Variants in PLEC observed in about 807,000 individuals in gnomAD.
PLEC encodes plectin.
In PLEC, 216 loss-of-function variants were observed where a neutral mutation model predicts 392.8. The ratio of observed to expected loss-of-function variants is 0.55; its 90% CI spans 0.49 to 0.62. The LOEUF (loss-of-function observed/expected upper bound fraction) is 0.62, where lower values mean the gene tolerates loss of function less well. PLEC is among the 20% of genes least tolerant of loss of function. The pLI is 0.00. For synonymous variants in PLEC, 3,621 were observed against 2,980.6 expected (o/e 1.21, Z -7.00); for missense variants, 6,863 against 6,563.4 (o/e 1.05, Z -1.58).
rs782031336 is a variant in PLEC, at chr8:143,924,910, C to T, written c.5019G>A (p.Ala1673=). 8.9e-5 allele frequency: 141 copies of T among 1,586,368 alleles called. No homozygotes were observed. Among genetic ancestry groups the T allele is most frequent in the Non-Finnish European group, 1.1e-4 (126 of 1,174,120 alleles). The change falls in exon 31 of 32, where the codon GCG becomes GCA. Residue 1673 remains alanine, a synonymous_variant. Transcript: ENST00000345136. ...GCTCCTCCGCCTTGCCGCGCCGCCGCGCCTCGCGCTCCGCCTCCTCCTTCT... is the reference window on the plus strand; with the variant it reads ...GCTCCTCCGCCTTGCCGCGCCGCCGTGCCTCGCGCTCCGCCTCCTCCTTCT... The part of the protein sequence containing the change: ...EKQKEEAERE[A]RRRGKAEEQA...
In PLEC at chr8:143,919,081, G is replaced by A. The variant is rs201867859; in HGVS notation, c.10740C>T (p.His3580=). The change falls in exon 32 of 32, where the codon CAC becomes CAT. Residue 3580 remains histidine, a synonymous_variant. Coordinates refer to ENST00000345136, the MANE Select transcript of PLEC (RefSeq NM_201384.3). Reference sequence around the variant, plus strand: ...CCCACAGGGACATGGTGGAGCCGCCGTGGCTGCCGCCGCCGGGAATGTCGA... The same window carrying A: ...CCCACAGGGACATGGTGGAGCCGCCATGGCTGCCGCCGCCGGGAATGTCGA... The part of the protein sequence containing the change: ...TQIDIPGGGS[H]GGSTMSLWEV... The A allele has an allele frequency of 7.2e-5, 116 of 1,611,568 alleles. 1 individual carries two copies. The East Asian group carries it at 1.1e-3, about 15-fold the overall frequency.
intron 1 of PLEC, among the ~76,000 whole-genome samples, chr8:143,972,495 G>C (rs193199777): frequency 6.6e-6 from 1 of 152,208 alleles, no homozygotes; most frequent in Non-Finnish European, 1.5e-5. Flanking sequence ...GGTGGAGAGC[G>C]GCACCACGGG....
chr8:143,965,278 C>T (rs957901984), intron 1 of PLEC, among the ~76,000 whole-genome samples: 1 of 152,154 alleles, frequency 6.6e-6, no homozygotes, highest in Non-Finnish European at 1.5e-5. Context: ...CAAGAGCTGA[C>T]CACCAGCTGG....
Position 143,934,919 on chromosome 8 carries a change from A to G in PLEC, c.836T>C (p.Leu279Pro). ...QDGVRANELQ[L>P]RWQEYRELVL... ...CAGCTCCCGGTACTCCTGCCAGCGC[A>G]GCTGCAGCTCCTGCGGGCAGGCACG... The change falls in exon 9 of 32, where the codon CTG becomes CCG. Residue 279 changes from leucine (L) to proline (P), a missense_variant. Leu to Pro is a moderately conservative substitution (Grantham distance 98). Transcript: ENST00000345136. 2 of 1,611,320 alleles carry G rather than the reference A, an allele frequency of 1.2e-6. No individual in the cohort carries two copies. The highest frequency in any genetic ancestry group is 1.7e-6 in the Non-Finnish European group (2 of 1,179,734).
At chr8:143,966,471 TC>T (rs1298533152) in intron 1 of PLEC, among the ~76,000 whole-genome samples, 2 of 152,194 alleles carry the variant, frequency 1.3e-5, no homozygotes, top group Non-Finnish European at 2.9e-5. Context: ...CGCAGGCACA[TC>T]CTCTCCACCC....
intron 1 of PLEC, among the ~76,000 whole-genome samples, chr8:143,971,031 A>T (rs1833401772): frequency 1.3e-5 from 2 of 152,196 alleles, no homozygotes; most frequent in African/African-American, 4.8e-5. Flanking sequence ...GCTCAGGCAG[A>T]CAGGAAGTTG....
In PLEC at chr8:143,927,247, C is replaced by G; in HGVS notation, c.3840+5G>C. 6.2e-7 allele frequency: 1 copy of G among 1,612,846 alleles called. No homozygotes were observed. Among genetic ancestry groups the G allele is most frequent in the Non-Finnish European group, 8.5e-7 (1 of 1,179,598 alleles). On this transcript the variant is annotated splice_donor_5th_base_variant and intron_variant, in intron 28 of 31. Coordinates refer to ENST00000345136, the MANE Select transcript of PLEC (RefSeq NM_201384.3). ...TGGGGCCTGGTGCAGGCGGCTGGGC[C>G]TCACCTTGATGGCGTTGATGTACTG...
Position 143,921,117 on chromosome 8 carries a change from G to C in PLEC, c.8704C>G (p.Arg2902Gly). ...GELVYTDSEA[R>G]DVFEKATVSA... ...ACGGTGGCCTTCTCAAAGACGTCCCGGGCCTCGGAGTCAGTGTAGACCAGC... is the reference window on the plus strand; with the variant it reads ...ACGGTGGCCTTCTCAAAGACGTCCCCGGCCTCGGAGTCAGTGTAGACCAGC... Residue 2902 changes from arginine to glycine, a missense_variant, in exon 32 of 32, where the codon CGG becomes GGG. Transcript: ENST00000345136. The C allele has an allele frequency of 1.2e-6, 2 of 1,612,504 alleles. No homozygotes were observed. Among genetic ancestry groups the C allele is most frequent in the Non-Finnish European group, 8.5e-7 (1 of 1,180,040 alleles).
rs782314069 is a variant in PLEC at position 143,937,262 on chromosome 8, G to A, written c.265-20C>T. 38 of 1,594,130 alleles carry A rather than the reference G, an allele frequency of 2.4e-5. No individual in the cohort carries two copies. Among genetic ancestry groups the A allele is most frequent in the Non-Finnish European group, 3.2e-5 (37 of 1,163,430 alleles). On this transcript the variant is annotated intron_variant, in intron 3 of 31. Coordinates refer to ENST00000345136, the MANE Select transcript of PLEC (RefSeq NM_201384.3). ...CCGGGGCTGTGGGGAGGCACAGTCAGCACCCACAGTGCAGCTGCAGCTCCC... is the reference window on the plus strand; with the variant it reads ...CCGGGGCTGTGGGGAGGCACAGTCAACACCCACAGTGCAGCTGCAGCTCCC...
At position 143,927,456 on chromosome 8, in the gene PLEC, G is replaced by A. The variant is rs782350311; in HGVS notation, c.3710C>T (p.Pro1237Leu). ...CCGCACAGCCTGGCTGTCGGCCAGC[G>A]GCATGGCCTGGATCTGCTCCTGCCG... is the stretch of plus-strand genomic sequence containing the variant. ...RRRQEQIQAM[P>L]LADSQAVREQ... is the part of the protein sequence containing the mutation. Residue 1237 changes from proline to leucine, a missense_variant, in exon 27 of 32, where the codon CCG (proline) becomes CTG (leucine). Transcript: ENST00000345136. 26 of 1,598,028 alleles carry A rather than the reference G, an allele frequency of 1.6e-5. No homozygotes were observed. The highest frequency in any genetic ancestry group is 1.3e-4 in the Admixed American group (8 of 59,756).
chr8:143,955,410 G>A (rs1832534464), upstream of PLEC, among the ~76,000 whole-genome samples: 2 of 152,174 alleles, frequency 1.3e-5, no homozygotes. Flanking sequence ...GAATCCAGGA[G>A]GCTGAGGTTG....
chr8:143,933,601 C>T (rs1358680423), intron 12 of PLEC, among the ~76,000 whole-genome samples: 1 of 152,172 alleles, frequency 6.6e-6, no homozygotes, highest in Non-Finnish European at 1.5e-5. Flanking sequence ...CTGTGGGGTC[C>T]TGGGCCTCAT....
Position 143,922,257 on chromosome 8 carries a change from C to T in PLEC, c.7564G>A (p.Asp2522Asn), listed in dbSNP as rs1554689102. 3.1e-6 allele frequency: 5 copies of T among 1,598,604 alleles called. No homozygotes were observed. Among genetic ancestry groups the T allele is most frequent in the Admixed American group, 1.7e-5 (1 of 58,656 alleles). ...AGCTGCTGTGCCTTGGCCACCTCGT[C>T]CTGGAAGAGCTGCTCCAGCTTGGCC... Reference protein sequence around the residue: ...EKAKLEQLFQDEVAKAQQLRE... With the variant: ...EKAKLEQLFQNEVAKAQQLRE... The change falls in exon 32 of 32, where the codon GAC becomes AAC. Residue 2522 changes from aspartate to asparagine, a missense_variant. Physicochemically the swap from Asp to Asn is conservative, Grantham distance 23. Transcript: ENST00000345136.
Position 143,920,292 on chromosome 8 carries a change from C to T in PLEC, c.9529G>A (p.Asp3177Asn), listed in dbSNP as rs151050583. Residue 3177 changes from aspartate to asparagine, a missense_variant, in exon 32 of 32, where the codon GAC (aspartate) becomes AAC (asparagine). Asp to Asn is a conservative substitution (Grantham distance 23). Coordinates refer to ENST00000345136, the MANE Select transcript of PLEC (RefSeq NM_201384.3). Reference sequence around the variant, plus strand: ...CTGGGGTCACTGTAGGCCTTGGCGTCGGCCCTTGGTGCCGACAGGGCCCTG... The same window carrying T: ...CTGGGGTCACTGTAGGCCTTGGCGTTGGCCCTTGGTGCCGACAGGGCCCTG... ...TSRALSAPRA[D>N]AKAYSDPSTG... 71 of 1,591,254 alleles carry T rather than the reference C, an allele frequency of 4.5e-5. No individual in the cohort carries two copies. The African/African-American group carries it at 4.8e-4, about 11-fold the overall frequency.
rs782271365 is a variant in PLEC, at chr8:143,921,366, C to G, written c.8455G>C (p.Val2819Leu). Residue 2819 changes from valine (V) to leucine (L), a missense_variant, in exon 32 of 32, where the codon GTG (valine) becomes CTG (leucine). Val to Leu is a conservative substitution (Grantham distance 32). Transcript: ENST00000345136. ...QIATGGVIDP[V>L]HSHRVPVDVA... ...TCCACGGGCACGCGGTGGCTGTGCA[C>G]GGGGTCGATAACGCCGCCCGTGGCG... 1 of 1,613,508 alleles carries G rather than the reference C, an allele frequency of 6.2e-7. No homozygotes were observed.
chr8:143,946,917 G>C (rs1554732627), intron 1 of PLEC, among the ~76,000 whole-genome samples: 1 of 152,012 alleles, frequency 6.6e-6, no homozygotes, highest in East Asian at 1.9e-4. Context: ...TCCCCAACCA[G>C]CACAGCCCCA....
In PLEC at chr8:143,932,961, G is replaced by C; in HGVS notation, c.1569C>G (p.Arg523=). The change falls in exon 14 of 32, where the codon CGC becomes CGG. Residue 523 remains arginine, a synonymous_variant. Transcript: ENST00000345136. The part of the protein sequence containing the change: ...RRPELEDSTL[R]YLQDLLAWVE... ...CCCAGGCCAGCAGGTCCTGCAGGTA[G>C]CGCAGAGTGGAGTCCTCCAGCTCGG... The C allele has an allele frequency of 6.2e-7, 1 of 1,612,516 alleles. No individual in the cohort carries two copies. Among genetic ancestry groups the C allele is most frequent in the Non-Finnish European group, 8.5e-7 (1 of 1,179,878 alleles).
chr8:143,956,474 A>C (rs1007889155), upstream of PLEC, among the ~76,000 whole-genome samples: 40 of 152,200 alleles, frequency 2.6e-4, 1 homozygote, highest in African/African-American at 7.7e-4. Context: ...ATGCTGAGGC[A>C]GAAGGACGGC....
Position 143,919,268 on chromosome 8 carries a change from T to G in PLEC, c.10553A>C (p.His3518Pro). 1 of 1,614,016 alleles carries G rather than the reference T, an allele frequency of 6.2e-7. No homozygotes were observed. ...CAGCTGCCTGTACGTGAGGTTCTCATGCGTGTTGGGGTCAAAGAAGCCCTT... is the reference window on the plus strand; with the variant it reads ...CAGCTGCCTGTACGTGAGGTTCTCAGGCGTGTTGGGGTCAAAGAAGCCCTT... Reference protein sequence around the residue: ...DTKGFFDPNTHENLTYRQLLE... With the variant: ...DTKGFFDPNTPENLTYRQLLE... The change falls in exon 32 of 32, where the codon CAT becomes CCT. Residue 3518 changes from histidine to proline, a missense_variant. Transcript: ENST00000345136.
Sources: gnomAD v4.1 joint callset for allele counts (sites outside exome capture counted in the v4.1 genomes callset) on GRCh38, gnomAD v4.1.1 for gene constraint, MANE v1.5 for transcripts, NCBI Gene and HGNC (gene_info 2026-07-23, HGNC 2026-07-21) for gene names.